The following ARHGAP20 variants were observed in gnomAD, a reference collection of about 807,000 sequenced individuals.
The protein encoded by ARHGAP20 is Rho GTPase activating protein 20.
ARHGAP20 carries 34 observed loss-of-function variants against 73.7 expected under a neutral mutation model. That is an observed-to-expected ratio of 0.46 (90% confidence interval 0.35 to 0.61). The LOEUF (loss-of-function observed/expected upper bound fraction) is 0.61, where lower values mean the gene tolerates loss of function less well. ARHGAP20 is among the 20% of genes least tolerant of loss of function. The pLI is 0.00. For synonymous variants in ARHGAP20, 523 were observed against 518.2 expected, an observed-to-expected ratio of 1.01 and a Z score of -0.13; for missense variants, 1,314 against 1,420.9, an observed-to-expected ratio of 0.92 and a Z score of 1.21.
chr11:110,588,354 T>C (rs1947728336), intron 11 of ARHGAP20, among the ~76,000 whole-genome samples: 1 of 152,200 alleles, frequency 6.6e-6, no homozygotes, highest in Admixed American at 6.5e-5. Context: ...TGGATCAAAG[T>C]TATAGTGTCT....
At chr11:110,690,752 A>G in intron 1 of ARHGAP20, 123 bp from the exon 2 acceptor site, 1 of 977,692 alleles carries the variant, frequency 1.0e-6, no homozygotes, top group East Asian at 2.6e-5. Context: ...AGGAGCCTAC[A>G]GTTTCATTAT....
chr11:110,610,019 GT>G lies in ARHGAP20; in HGVS notation c.709-970del, dbSNP rs570866512. ...GTCTCAATTCCTAGTTAAATTAACA[GT>G]TTTTTTTGGTCTGAGGAGATTAATA... On this transcript the variant is annotated intron_variant, in intron 7 of 14. Coordinates refer to ENST00000683387, the MANE Select transcript of ARHGAP20 (RefSeq NM_001384657.1). Among the ~76,000 whole-genome samples the G allele has an allele frequency of 4.4e-3, 671 of 151,916 alleles. 1 individual carries two copies. Among genetic ancestry groups the G allele is most frequent in the Middle Eastern group, 0.01 (3 of 292 alleles).
chr11:110,577,480 A>G lies in ARHGAP20; in HGVS notation c.*1890T>C. Reference sequence around the variant, plus strand: ...TTTTACCTGCTAACATGAAAAAAAAAAAAAAGGCAATTTCTTCCAGAAAGA... The same window carrying G: ...TTTTACCTGCTAACATGAAAAAAAAGAAAAAGGCAATTTCTTCCAGAAAGA... On this transcript the variant is annotated 3_prime_UTR_variant, in exon 15 of 15. Coordinates refer to ENST00000683387, the MANE Select transcript of ARHGAP20 (RefSeq NM_001384657.1). 9.7e-7 allele frequency: 1 copy of G among 1,028,220 alleles called. No homozygotes were observed. The highest frequency in any genetic ancestry group is 1.2e-6 in the Non-Finnish European group (1 of 858,274). 63.7% of individuals were successfully genotyped at this position (1,028,220 alleles called of 1,614,324 possible).
At position 110,684,493 on chromosome 11, in the gene ARHGAP20, T is replaced by C. The variant is rs537676440; in HGVS notation, c.188+6054A>G. ...GAAAAATGTAAATTTGTTCAACTCC[T>C]ATGAAAAATAGTATGGCAAATTTTC... On this transcript the variant is annotated intron_variant, in intron 2 of 14. Coordinates refer to ENST00000683387, the MANE Select transcript of ARHGAP20 (RefSeq NM_001384657.1). 6.6e-5 allele frequency among the ~76,000 whole-genome samples: 10 copies of C among 152,278 alleles called. No homozygotes were observed. In the South Asian group the frequency reaches 1.4e-3, roughly 22 times the overall value.
chr11:110,635,260 T>G (rs574427718), intron 2 of ARHGAP20, among the ~76,000 whole-genome samples: 1 of 152,134 alleles, frequency 6.6e-6, no homozygotes, highest in East Asian at 1.9e-4. Flanking sequence ...CTGATCAGCA[T>G]CATCATCATC....
At chr11:110,632,400 T>G (rs1371085301) in intron 2 of ARHGAP20, among the ~76,000 whole-genome samples, 1 of 152,102 alleles carries the variant, frequency 6.6e-6, no homozygotes, top group African/African-American at 2.4e-5. Flanking sequence ...TAGCCTTTAA[T>G]TAGGATTTTT....
At position 110,583,452 on chromosome 11, in the gene ARHGAP20, A is replaced by C. The variant is rs1425328070; in HGVS notation, c.1605+96T>G. The C allele has an allele frequency of 4.5e-6, 5 of 1,114,338 alleles. No homozygotes were observed. The East Asian group carries it at 1.0e-4, about 23-fold the overall frequency. The allele number at this position is 1,114,338 out of a possible 1,614,324, so 69.0% of individuals were successfully genotyped here. On this transcript the variant is annotated intron_variant, in intron 13 of 14. Transcript: ENST00000683387. Reference sequence around the variant, plus strand: ...AAATTTATAAGGATACGGTATATTTAAGTTATTTAAGAAATCATCTTTTAG... The same window carrying C: ...AAATTTATAAGGATACGGTATATTTCAGTTATTTAAGAAATCATCTTTTAG...
At chr11:110,590,120 CA>C (rs558720081) in intron 11 of ARHGAP20, among the ~76,000 whole-genome samples, 8,672 of 63,970 alleles carry the variant, frequency 0.14, 220 homozygotes, top group Middle Eastern at 0.19. Context: ...GACCCCGCCT[CA>C]AAAAAAAAAA....
At chr11:110,592,773 C>T (rs1947860724) in intron 9 of ARHGAP20, among the ~76,000 whole-genome samples, 1 of 152,202 alleles carries the variant, frequency 6.6e-6, no homozygotes, top group Non-Finnish European at 1.5e-5. Context: ...ACATACTACT[C>T]TCCTCTTGAG....
intron 2 of ARHGAP20, among the ~76,000 whole-genome samples, chr11:110,656,204 CA>C (rs1949462848): frequency 6.6e-6 from 1 of 151,974 alleles, no homozygotes; most frequent in African/African-American, 2.4e-5. Context: ...TCAAGCAGTA[CA>C]CTCCTACTGC....
intron 11 of ARHGAP20, 89 bp downstream of exon 11, chr11:110,590,559 A>G (rs1359510184): frequency 5.2e-6 from 7 of 1,334,734 alleles, no homozygotes; most frequent in African/African-American, 1.5e-5. Flanking sequence ...GGTCTTTGCA[A>G]ATAGAAATAA....
chr11:110,696,794 G>A (rs1333442676), intron 1 of ARHGAP20, among the ~76,000 whole-genome samples: 1 of 151,614 alleles, frequency 6.6e-6, no homozygotes, highest in African/African-American at 2.4e-5. Context: ...TCCATTGTTA[G>A]ATCCCACTTA....
intron 3 of ARHGAP20, among the ~76,000 whole-genome samples, chr11:110,629,186 A>G (rs1948810145): frequency 6.6e-6 from 1 of 152,198 alleles, no homozygotes; most frequent in Non-Finnish European, 1.5e-5. Flanking sequence ...GCTGAGGTAT[A>G]CATCTAATGA....
At chr11:110,672,291 A>C (rs1310025843) in intron 2 of ARHGAP20, among the ~76,000 whole-genome samples, 1 of 152,090 alleles carries the variant, frequency 6.6e-6, no homozygotes, top group East Asian at 1.9e-4. Flanking sequence ...ATACATAAAA[A>C]CTCTTTCAAC....
chr11:110,689,459 T>A, intron 2 of ARHGAP20, among the ~76,000 whole-genome samples: 2 of 152,252 alleles, frequency 1.3e-5, no homozygotes, highest in East Asian at 3.9e-4. Context: ...TTAATGAATA[T>A]TTGAATTTGA....
rs371055640 is a variant in ARHGAP20, at chr11:110,623,724, T to C, written c.503+438A>G. ...GTCTTTTTCAGTGGTTTGAAAAGAC[T>C]GATAAGACTTGAAAGCTCAATACGT... On this transcript the variant is annotated intron_variant, in intron 4 of 14. Coordinates refer to ENST00000683387, the MANE Select transcript of ARHGAP20 (RefSeq NM_001384657.1). Among the ~76,000 whole-genome samples the C allele has an allele frequency of 4.1e-3, 621 of 152,320 alleles. 2 individuals are homozygous for C. The highest frequency in any genetic ancestry group is 0.014 in the African/African-American group (586 of 41,572).
chr11:110,695,454 T>G (rs1950317749), intron 1 of ARHGAP20, among the ~76,000 whole-genome samples: 1 of 151,636 alleles, frequency 6.6e-6, no homozygotes, highest in Admixed American at 6.6e-5. Context: ...AAGTGACTTG[T>G]ATCTATTATA....
intron 9 of ARHGAP20, among the ~76,000 whole-genome samples, chr11:110,598,974 T>C (rs1948043094): frequency 6.6e-6 from 1 of 151,796 alleles, no homozygotes; most frequent in Non-Finnish European, 1.5e-5. Context: ...GTAGGAGCCT[T>C]GCCCTCCCAG....
At position 110,608,959 on chromosome 11, in the gene ARHGAP20, A is replaced by G. The variant is rs1034628644; in HGVS notation, c.775+25T>C. ...TTATAATTAAAACACAATCAATGCT[A>G]TCTTAGACTTTTGCAAAAACTTACC... On this transcript the variant is annotated intron_variant, in intron 8 of 14. Coordinates refer to ENST00000683387, the MANE Select transcript of ARHGAP20 (RefSeq NM_001384657.1). The G allele has an allele frequency of 3.1e-6, 5 of 1,593,940 alleles. No individual in the cohort carries two copies. In the African/African-American group the frequency reaches 5.4e-5, roughly 17 times the overall value.
Sources: gnomAD v4.1 joint callset for allele counts (sites outside exome capture counted in the v4.1 genomes callset) on GRCh38, gnomAD v4.1.1 for gene constraint, MANE v1.5 for transcripts, NCBI Gene and HGNC (gene_info 2026-07-23, HGNC 2026-07-21) for gene names.